Variants in DMD observed in about 807,000 individuals in gnomAD.
The protein encoded by DMD is dystrophin, also known as mutant dystrophin.
A neutral mutation model predicts 330.1 loss-of-function variants in DMD; 63 were observed. The ratio of observed to expected loss-of-function variants is 0.19; its 90% confidence interval spans 0.16 to 0.24. The LOEUF is 0.24. Ranked by LOEUF, DMD falls within the 10% of genes least tolerant of loss-of-function variation. The pLI, the probability that DMD is intolerant of heterozygous loss-of-function variation, is 1.00. For synonymous variants in DMD, 1,223 were observed against 959.8 expected (o/e 1.27, Z -5.07); for missense variants, 3,344 against 2,684.1 (o/e 1.25, Z -5.43).
intron 47 of DMD, among the ~76,000 whole-genome samples, chrX:31,883,714 T>C (rs2094109700): frequency 9.0e-6 from 1 of 111,361 alleles, no homozygotes; most frequent in African/African-American, 3.3e-5. Flanking sequence ...GTAAATATTA[T>C]GAAAAACATC....
intron 48 of DMD, among the ~76,000 whole-genome samples, chrX:31,872,293 C>T (rs1191849619): frequency 9.0e-6 from 1 of 111,207 alleles, no homozygotes; most frequent in Admixed American, 9.6e-5. Flanking sequence ...AGAAACTACA[C>T]ACAGCAGTGA....
In DMD at chrX:32,809,512, C is replaced by G. The variant is rs772502525; in HGVS notation, c.630G>C (p.Glu210Asp). ...FNIARYQLGI[E>D]KLLDPEDVDT... ...ACCAACCTTCAGGATCGAGTAGTTT[C>G]TCTATGCCTAATTGATATCTGGCGA... is the stretch of plus-strand genomic sequence containing the variant. Residue 210 changes from glutamate to aspartate, a missense_variant, in exon 7 of 79, where the codon GAG becomes GAC. Transcript: ENST00000357033. The G allele has an allele frequency of 1.7e-5, 20 of 1,210,592 alleles. No homozygotes were observed. Among genetic ancestry groups the G allele is most frequent in the Non-Finnish European group, 2.1e-5 (19 of 894,664 alleles).
intron 62 of DMD, among the ~76,000 whole-genome samples, chrX:31,315,307 C>G (rs934973800): frequency 8.9e-6 from 1 of 112,344 alleles, no homozygotes; most frequent in East Asian, 2.8e-4. Flanking sequence ...GTCAATAAGA[C>G]TTCAATCCAG....
chrX:33,290,174 A>G (rs957781017), intron 1 of DMD, among the ~76,000 whole-genome samples: 18 of 111,554 alleles, frequency 1.6e-4, no homozygotes, highest in African/African-American at 3.3e-5. Context: ...CGTAGATTCT[A>G]CCACTAAAAA....
chrX:32,511,346 C>G (rs978038253), intron 18 of DMD, among the ~76,000 whole-genome samples: 4 of 108,465 alleles, frequency 3.7e-5, no homozygotes, highest in African/African-American at 1.3e-4. Context: ...ACAGTTGAAA[C>G]CCCGTCTCTA....
At chrX:32,828,960 A>G (rs2078961450) in intron 4 of DMD, among the ~76,000 whole-genome samples, 1 of 111,469 alleles carries the variant, frequency 9.0e-6, no homozygotes, top group Non-Finnish European at 1.9e-5. Context: ...TAATTTCTAT[A>G]TGGTAGTTTT....
intron 50 of DMD, among the ~76,000 whole-genome samples, chrX:31,811,807 C>A (rs1052430451): frequency 9.0e-6 from 1 of 111,425 alleles, no homozygotes; most frequent in African/African-American, 3.3e-5. Context: ...CCTAAAGGTT[C>A]ACCTGAAGCA....
In DMD at chrX:31,120,868, T is replaced by TCAATCAATCAATCAATCAACCAAC; in HGVS notation, c.*1027_*1050dup. ...TGCTAGCAGCAGGAAGCTGAATGTATCAATCAATCAATCAATCAACCAACC... is the reference window on the plus strand; with the variant it reads ...TGCTAGCAGCAGGAAGCTGAATGTATCAATCAATCAATCAATCAACCAACCAATCAATCAATCAATCAACCAACC... On this transcript the variant is annotated 3_prime_UTR_variant, in exon 79 of 79. Transcript: ENST00000357033. 1 of 100,026 alleles carries TCAATCAATCAATCAATCAACCAAC rather than the reference T, an allele frequency of 1.0e-5. No homozygotes were observed. The highest frequency in any genetic ancestry group is 4.7e-5 in the African/African-American group (1 of 21,475). The allele number at this position is 100,026 out of a possible 1,213,427, so 8.2% of individuals were successfully genotyped here. A position where few individuals can be genotyped will look rare whatever the true frequency, so the allele number is the denominator to read the frequency against.
At chrX:31,907,890 G>A (rs1206612564) in intron 47 of DMD, among the ~76,000 whole-genome samples, 6 of 112,157 alleles carry the variant, frequency 5.3e-5, no homozygotes, top group African/African-American at 1.6e-4. Flanking sequence ...CAACCTCATC[G>A]AAAAGTCGGC....
intron 16 of DMD, among the ~76,000 whole-genome samples, chrX:32,554,632 CACCA>C (rs2149015813): frequency 9.3e-6 from 1 of 108,070 alleles, no homozygotes; most frequent in Non-Finnish European, 1.9e-5. Context: ...ATAAATATCC[CACCA>C]ACCAACAAAA....
chrX:32,633,067 T>C (rs988914893), intron 11 of DMD, among the ~76,000 whole-genome samples: 3 of 112,248 alleles, frequency 2.7e-5, no homozygotes, highest in Non-Finnish European at 3.8e-5. Flanking sequence ...TAAATATACA[T>C]GTATAAATAT....
intron 2 of DMD, among the ~76,000 whole-genome samples, chrX:32,951,511 T>C (rs1260987180): frequency 9.0e-6 from 1 of 111,666 alleles, no homozygotes; most frequent in African/African-American, 3.3e-5. Flanking sequence ...CATATTCTAT[T>C]ACCTTAAACT....
At chrX:32,736,571 G>A (rs1447409837) in intron 7 of DMD, among the ~76,000 whole-genome samples, 1 of 111,019 alleles carries the variant, frequency 9.0e-6, no homozygotes, top group Non-Finnish European at 1.9e-5. Context: ...ATACACCATG[G>A]AATGCTATGC....
chrX:31,682,624 T>C (rs1417555599), intron 52 of DMD, among the ~76,000 whole-genome samples: 2 of 112,588 alleles, frequency 1.8e-5, no homozygotes, highest in Non-Finnish European at 3.8e-5. Context: ...CTTGGGACTT[T>C]TTCTCATATC....
chrX:32,518,997 CTTTTTTTTTTTTTTT>C (rs56678455), intron 17 of DMD, among the ~76,000 whole-genome samples: 5 of 42,078 alleles, frequency 1.2e-4, no homozygotes, highest in South Asian at 3.1e-3. Context: ...ATTTTCAAAC[CTTTTTTTTTTTTTTT>C]TTTTTTTTTT....
At chrX:33,069,129 T>C (rs2094706912) in intron 1 of DMD, among the ~76,000 whole-genome samples, 1 of 112,074 alleles carries the variant, frequency 8.9e-6, no homozygotes, top group Admixed American at 9.5e-5. Flanking sequence ...TGGTGCTAAT[T>C]GCTTTACACA....
chrX:31,951,141 GTGTATATATATATATA>G lies in DMD; in HGVS notation c.6614+17182_6614+17197del, dbSNP rs1189951891. 4.7e-4 allele frequency among the ~76,000 whole-genome samples: 34 copies of G among 72,799 alleles called. No individual in the cohort carries two copies. In the South Asian group the frequency reaches 4.9e-3, roughly 10 times the overall value. 63.2% of individuals were successfully genotyped at this position (72,799 alleles called of 115,157 possible). A position where few individuals can be genotyped will look rare whatever the true frequency, so the allele number is the denominator to read the frequency against. ...TATATACATATATATATATATATAT[GTGTATATATATATATA>G]TGTATATATATATATATGTATATAT... On this transcript the variant is annotated intron_variant, in intron 45 of 78. Transcript: ENST00000357033.
At chrX:32,681,003 A>G (rs1203510538) in intron 9 of DMD, among the ~76,000 whole-genome samples, 2 of 111,880 alleles carry the variant, frequency 1.8e-5, no homozygotes, top group African/African-American at 6.5e-5. Flanking sequence ...TACATTTTCT[A>G]CCTTTGACCA....
At chrX:31,680,257 C>T (rs2082301589) in intron 52 of DMD, among the ~76,000 whole-genome samples, 1 of 111,966 alleles carries the variant, frequency 8.9e-6, no homozygotes, top group Non-Finnish European at 1.9e-5. Flanking sequence ...CTCATTTTTC[C>T]ACTCTTCTAC....
Sources: gnomAD v4.1 joint callset for allele counts (sites outside exome capture counted in the v4.1 genomes callset) on GRCh38, gnomAD v4.1.1 for gene constraint, MANE v1.5 for transcripts, NCBI Gene and HGNC (gene_info 2026-07-23, HGNC 2026-07-21) for gene names.